EPB41: variants seen among roughly 807,000 people sequenced by gnomAD.
EPB41 encodes the protein erythrocyte membrane protein band 4.1, also known as protein 4.1.
EPB41 carries 65 observed loss-of-function variants against 108.0 expected under a neutral mutation model. The ratio of observed to expected loss-of-function variants is 0.60; its 90% CI spans 0.49 to 0.74. The LOEUF is 0.74. EPB41 is among the 30% of genes least tolerant of loss of function. The pLI is 0.00. For synonymous variants in EPB41, 336 were observed against 358.9 expected, an observed-to-expected ratio of 0.94 and a Z score of 0.72; for missense variants, 875 against 1,037.0, an observed-to-expected ratio of 0.84 and a Z score of 2.15.
chr1:28,984,923 T>C (rs1308534209), intron 1 of EPB41, among the ~76,000 whole-genome samples: 1 of 152,192 alleles, frequency 6.6e-6, no homozygotes, highest in African/African-American at 2.4e-5. Context: ...CCTCCCAAAT[T>C]GCTGGGATTA....
At chr1:28,901,248 C>A (rs1286675604) in intron 1 of EPB41, among the ~76,000 whole-genome samples, 1 of 115,778 alleles carries the variant, frequency 8.6e-6, no homozygotes, top group Non-Finnish European at 1.9e-5. Flanking sequence ...CTTTTTGAGA[C>A]AGAGTCTTGC....
At chr1:29,060,535 A>G in intron 15 of EPB41, 51 bp downstream of exon 15, 2 of 1,504,996 alleles carry the variant, frequency 1.3e-6, no homozygotes, top group African/African-American at 1.4e-5. Context: ...AACCTTCTGC[A>G]TTCTTTGCTG....
At chr1:29,090,230 T>C (rs1296534339) in intron 16 of EPB41, among the ~76,000 whole-genome samples, 1 of 152,160 alleles carries the variant, frequency 6.6e-6, no homozygotes, top group Non-Finnish European at 1.5e-5. Flanking sequence ...ACCACTCTAC[T>C]CCAGCCTGGG....
intron 1 of EPB41, chr1:28,893,494 T>C (rs919407250): frequency 6.6e-6 from 1 of 152,322 alleles, no homozygotes; most frequent in Non-Finnish European, 1.5e-5. Context: ...GTCTGTCTTC[T>C]TCAGGCTGTA....
chr1:29,071,428 C>T (rs1651364207), intron 16 of EPB41: 1 of 152,118 alleles, frequency 6.6e-6, no homozygotes, highest in Non-Finnish European at 1.5e-5. Flanking sequence ...GTACATAAAC[C>T]CTTCTCTGAA....
intron 4 of EPB41, among the ~76,000 whole-genome samples, 185 bp from the exon 5 acceptor site, chr1:29,011,680 A>G (rs1166266343): frequency 6.6e-6 from 1 of 152,178 alleles, no homozygotes; most frequent in Non-Finnish European, 1.5e-5. Flanking sequence ...ATTCAACCCA[A>G]ATGTCAGGGT....
At chr1:29,005,604 A>T (rs887190414) in intron 4 of EPB41, among the ~76,000 whole-genome samples, 1 of 152,186 alleles carries the variant, frequency 6.6e-6, no homozygotes, top group Non-Finnish European at 1.5e-5. Context: ...CTCTTTCCTC[A>T]TGGAGCTCCC....
chr1:29,064,042 A>G (rs764235526), intron 15 of EPB41, among the ~76,000 whole-genome samples: 1 of 152,142 alleles, frequency 6.6e-6, no homozygotes, highest in Non-Finnish European at 1.5e-5. Flanking sequence ...CCAGTATTCA[A>G]ATTTGCTAGG....
intron 1 of EPB41, among the ~76,000 whole-genome samples, chr1:28,919,789 T>G (rs2092945086): frequency 6.6e-6 from 1 of 152,184 alleles, no homozygotes; most frequent in Non-Finnish European, 1.5e-5. Flanking sequence ...TCCAGAGACA[T>G]TCTGGCGTCA....
At chr1:28,956,588 GTATTA>G (rs566028139) in intron 1 of EPB41, among the ~76,000 whole-genome samples, 156 of 152,262 alleles carry the variant, frequency 1.0e-3, no homozygotes, top group African/African-American at 3.5e-3. Flanking sequence ...GCTGTACTCA[GTATTA>G]TATTATAGCC....
intron 15 of EPB41, 152 bp from the exon 16 acceptor site, chr1:29,064,830 T>G: frequency 1.1e-6 from 1 of 934,084 alleles, no homozygotes; most frequent in Non-Finnish European, 1.6e-6. Context: ...AAATATACCA[T>G]GTTGTATATT....
chr1:29,064,252 G>C (rs750848239), intron 15 of EPB41, among the ~76,000 whole-genome samples: 12 of 152,132 alleles, frequency 7.9e-5, no homozygotes, highest in Admixed American at 1.3e-4. Context: ...TTAGAAGCTA[G>C]AAAGCCTAAG....
intron 1 of EPB41, among the ~76,000 whole-genome samples, chr1:28,941,612 C>T (rs1374266921): frequency 6.6e-6 from 1 of 151,990 alleles, no homozygotes; most frequent in African/African-American, 2.4e-5. Flanking sequence ...AATGCTTTCT[C>T]AGGCCGGGCA....
chr1:29,101,095 A>G (rs529767280), intron 17 of EPB41, among the ~76,000 whole-genome samples: 4 of 152,068 alleles, frequency 2.6e-5, no homozygotes, highest in Non-Finnish European at 5.9e-5. Flanking sequence ...ACGGTGGTGC[A>G]TGCCTGTAAT....
Position 28,987,872 on chromosome 1 carries a change from G to A in EPB41, c.435G>A (p.Leu145=), listed in dbSNP as rs1484422534. ...CGGAACTCAAAACAGACCCATCTTT[G>A]GATCTTCATTCATTAAGCAGTGCAG... ...PEPELKTDPS[L]DLHSLSSAET... is the part of the protein sequence containing the mutation. Residue 145 remains leucine, a synonymous_variant, in exon 2 of 21, where the codon TTG becomes TTA. Transcript: ENST00000343067. 1 of 1,614,178 alleles carries A rather than the reference G, an allele frequency of 6.2e-7. No individual in the cohort carries two copies. The highest frequency in any genetic ancestry group is 1.3e-5 in the African/African-American group (1 of 75,030).
chr1:28,993,592 T>C (rs1319975835), intron 3 of EPB41, 50 bp downstream of exon 3: 5 of 1,556,644 alleles, frequency 3.2e-6, no homozygotes, highest in South Asian at 1.1e-5. Context: ...GGTGGTTTCA[T>C]CTAGAGTTGC....
intron 1 of EPB41, among the ~76,000 whole-genome samples, chr1:28,909,214 G>A (rs184969680): frequency 5.5e-4 from 83 of 150,140 alleles, no homozygotes; most frequent in African/African-American, 1.9e-3. Flanking sequence ...TTTAAAAAGC[G>A]TTAGGTTGAG....
At chr1:28,944,546 T>TG (rs2148844685) in intron 1 of EPB41, among the ~76,000 whole-genome samples, 2 of 111,090 alleles carry the variant, frequency 1.8e-5, no homozygotes, top group South Asian at 8.0e-4. Context: ...TTTTTTTTTT[T>TG]TTTTTTTTTT....
At chr1:29,112,643 G>T (rs866817577) in intron 19 of EPB41, among the ~76,000 whole-genome samples, 195 bp downstream of exon 19, 2 of 152,176 alleles carry the variant, frequency 1.3e-5, no homozygotes, top group African/African-American at 2.4e-5. Flanking sequence ...GCCAGGAAAT[G>T]TAATGGAAAG....
Sources: gnomAD v4.1 joint callset for allele counts (sites outside exome capture counted in the v4.1 genomes callset) on GRCh38, gnomAD v4.1.1 for gene constraint, MANE v1.5 for transcripts, NCBI Gene and HGNC (gene_info 2026-07-23, HGNC 2026-07-21) for gene names.